RNF43: variants seen among roughly 807,000 people sequenced by gnomAD.
RNF43 encodes ring finger protein 43, also known as E3 ubiquitin-protein ligase RNF43.
RNF43 carries 37 observed loss-of-function variants against 78.4 expected under a neutral mutation model. That is an observed-to-expected ratio of 0.47 (90% confidence interval 0.36 to 0.62). The LOEUF (loss-of-function observed/expected upper bound fraction) is 0.62. RNF43 is among the 20% of genes least tolerant of loss of function. RNF43 has a pLI of 0.00. For synonymous variants in RNF43, 347 were observed against 395.0 expected, an observed-to-expected ratio of 0.88 and a Z score of 1.44; for missense variants, 774 against 1,007.9, an observed-to-expected ratio of 0.77 and a Z score of 3.14.
At position 58,357,742 on chromosome 17, in the gene RNF43, G is replaced by A. The variant is rs1485772359; in HGVS notation, c.2034C>T (p.Cys678=). 6.2e-7 allele frequency: 1 copy of A among 1,612,342 alleles called. No individual in the cohort carries two copies. The highest frequency in any genetic ancestry group is 8.5e-7 in the Non-Finnish European group (1 of 1,179,162). ...TGGGGGTGTAATGGGGAAAAATCTG[G>A]CAAGCTGGGTGCACAGTTGCATCCT... ...RPQDATVHPA[C]QIFPHYTPSV... The change falls in exon 9 of 10, where the codon TGC becomes TGT. Residue 678 remains cysteine, a synonymous_variant. Coordinates refer to ENST00000407977, the MANE Select transcript of RNF43 (RefSeq NM_017763.6). The surrounding 1 kb of genome is among the most constrained non-coding windows in gnomAD (Gnocchi z 4.5).
intron 2 of RNF43, among the ~76,000 whole-genome samples, chr17:58,413,237 CA>C (rs1372291265): frequency 7.2e-5 from 11 of 152,066 alleles, no homozygotes; most frequent in Non-Finnish European, 1.5e-4. Flanking sequence ...AAGAATTAAT[CA>C]AAGAATGGAT....
At chr17:58,384,097 C>T (rs936456320) in intron 2 of RNF43, among the ~76,000 whole-genome samples, 27 of 152,346 alleles carry the variant, frequency 1.8e-4, no homozygotes, top group Admixed American at 4.6e-4. Flanking sequence ...CTTTGACTTG[C>T]TCTTTGTGAA....
At chr17:58,388,702 T>A (rs934768846) in intron 2 of RNF43, among the ~76,000 whole-genome samples, 23 of 114,536 alleles carry the variant, frequency 2.0e-4, no homozygotes, top group African/African-American at 9.2e-4. Flanking sequence ...ACAGGATTTG[T>A]CAAGGAGATG....
rs2143408376 is a variant in RNF43, at chr17:58,358,222, C to T, written c.1554G>A (p.Gln518=). Residue 518 remains glutamine (Q), a synonymous_variant, in exon 9 of 10, where the codon CAG becomes CAA. Transcript: ENST00000407977. The surrounding 1 kb of genome is among the most constrained non-coding windows in gnomAD (Gnocchi z 6.2). ...TCACACTAGGCTGCATGTCCACTCG[C>T]TGGGGATCCCCTTTAGGGCTGCAGT... ...LVYCSPKGDP[Q]RVDMQPSVTS... is the part of the protein sequence containing the mutation. 2 of 1,613,580 alleles carry T rather than the reference C, an allele frequency of 1.2e-6. No individual in the cohort carries two copies. Among genetic ancestry groups the T allele is most frequent in the Non-Finnish European group, 1.7e-6 (2 of 1,179,698 alleles).
At chr17:58,411,899 G>T (rs538986303) in intron 2 of RNF43, among the ~76,000 whole-genome samples, 2 of 152,156 alleles carry the variant, frequency 1.3e-5, no homozygotes, top group African/African-American at 4.8e-5. Context: ...ATTAGACAAT[G>T]AATCAGCTCC....
chr17:58,359,481 A>G (rs1225358048), intron 8 of RNF43, among the ~76,000 whole-genome samples: 5 of 150,476 alleles, frequency 3.3e-5, no homozygotes, highest in South Asian at 2.1e-4. Context: ...GCGGGCGCCT[A>G]TAGTCCCAGC....
At chr17:58,371,235 G>A (rs997654185) in intron 2 of RNF43, among the ~76,000 whole-genome samples, 6 of 152,212 alleles carry the variant, frequency 3.9e-5, no homozygotes, top group African/African-American at 1.4e-4. Context: ...CAAGGACACA[G>A]GTAGTGGAGG....
chr17:58,413,395 A>T (rs2143687299), intron 2 of RNF43, among the ~76,000 whole-genome samples: 1 of 152,328 alleles, frequency 6.6e-6, no homozygotes, highest in East Asian at 1.9e-4. Context: ...TCCAGAAATG[A>T]ATACTAAGCT....
intron 2 of RNF43, among the ~76,000 whole-genome samples, chr17:58,390,035 G>A (rs1973517595): frequency 6.6e-6 from 1 of 152,202 alleles, no homozygotes; most frequent in Non-Finnish European, 1.5e-5. Context: ...CAGAAGCAGA[G>A]CACATGACGG....
rs752565843 is a variant in RNF43, at chr17:58,386,296, C to T, written c.253-15263G>A. Among the ~76,000 whole-genome samples the T allele has an allele frequency of 7.5e-4, 114 of 151,262 alleles. 1 individual carries two copies. The highest frequency in any genetic ancestry group is 2.2e-4 in the Non-Finnish European group (15 of 67,634). Reference sequence around the variant, plus strand: ...CAAAAATTAGCCGGGCTTGGTGGTACGCGCTGGTAGTCCCAGCTACTTGGG... The same window carrying T: ...CAAAAATTAGCCGGGCTTGGTGGTATGCGCTGGTAGTCCCAGCTACTTGGG... On this transcript the variant is annotated intron_variant, in intron 2 of 9. Coordinates refer to ENST00000407977, the MANE Select transcript of RNF43 (RefSeq NM_017763.6).
chr17:58,391,921 C>T (rs1362641588), intron 2 of RNF43, among the ~76,000 whole-genome samples: 1 of 152,120 alleles, frequency 6.6e-6, no homozygotes, highest in Non-Finnish European at 1.5e-5. Context: ...CCAGGAGAAC[C>T]AGATTCCTTT....
intron 2 of RNF43, among the ~76,000 whole-genome samples, chr17:58,405,725 A>AGAAC (rs1248790104): frequency 6.6e-6 from 1 of 150,862 alleles, no homozygotes; most frequent in African/African-American, 2.4e-5. Context: ...AAAGAAAGAA[A>AGAAC]GAAAGAAAGA....
intron 3 of RNF43, 53 bp downstream of exon 3, chr17:58,370,858 A>G: frequency 2.7e-6 from 4 of 1,466,992 alleles, no homozygotes; most frequent in Admixed American, 2.2e-5. Flanking sequence ...GTCTTCTCAC[A>G]GCCCAGAGCT....
At chr17:58,356,809 G>A (rs948949819) in intron 9 of RNF43, among the ~76,000 whole-genome samples, 1 of 150,922 alleles carries the variant, frequency 6.6e-6, no homozygotes, top group African/African-American at 2.4e-5. Flanking sequence ...TGTGAGCATT[G>A]GTAGAACTAA....
intron 2 of RNF43, among the ~76,000 whole-genome samples, chr17:58,372,511 A>T (rs1259270130): frequency 1.3e-5 from 2 of 152,220 alleles, no homozygotes; most frequent in East Asian, 1.9e-4. Context: ...AACAAGCTGC[A>T]TTAGTCTCTC....
chr17:58,363,963 G>A (rs1253890044), intron 3 of RNF43, among the ~76,000 whole-genome samples: 1 of 152,308 alleles, frequency 6.6e-6, no homozygotes, highest in Non-Finnish European at 1.5e-5. Context: ...TAAGAGGTAT[G>A]AGCACGAAGA....
intron 3 of RNF43, among the ~76,000 whole-genome samples, chr17:58,369,632 A>G (rs1489927701): frequency 6.6e-6 from 1 of 152,236 alleles, no homozygotes; most frequent in African/African-American, 2.4e-5. Context: ...CCACAGATAG[A>G]TTAAGCCTAG....
chr17:58,404,865 G>T (rs1973872307), intron 2 of RNF43, among the ~76,000 whole-genome samples: 1 of 151,454 alleles, frequency 6.6e-6, no homozygotes. Flanking sequence ...TAAATTTACT[G>T]TTTTAACTAA....
At chr17:58,415,300 G>C (rs200016136) in intron 2 of RNF43, 26 bp downstream of exon 2, 23 of 1,612,168 alleles carry the variant, frequency 1.4e-5, no homozygotes, top group Non-Finnish European at 2.0e-5. Flanking sequence ...CAGATGGAAA[G>C]TGAAATATAA....
Sources: allele counts gnomAD v4.1 joint callset (sites outside exome capture counted in the v4.1 genomes callset), GRCh38; gene constraint gnomAD v4.1.1; non-coding constraint Gnocchi (gnomAD v3.1); transcripts MANE v1.5; gene names NCBI Gene and HGNC (gene_info 2026-07-23, HGNC 2026-07-21).